RAI14: variants seen among roughly 807,000 people sequenced by gnomAD.
RAI14 encodes the protein retinoic acid induced 14, also known as ankycorbin.
RAI14 carries 45 observed loss-of-function variants against 115.4 expected under a neutral mutation model. The ratio of observed to expected loss-of-function variants is 0.39; its 90% CI spans 0.31 to 0.50. RAI14 has a LOEUF of 0.50. Among genes scored for constraint, RAI14 ranks in the 20% least tolerant of loss-of-function variants. The pLI is 0.85. For missense variants in RAI14, 939 were observed against 1,131.2 expected, an observed-to-expected ratio of 0.83 and a Z score of 2.44; for synonymous variants, 371 against 415.4, an observed-to-expected ratio of 0.89 and a Z score of 1.30.
chr5:34,722,786 C>T (rs1742940042), intron 2 of RAI14, among the ~76,000 whole-genome samples: 2 of 150,134 alleles, frequency 1.3e-5, no homozygotes, highest in African/African-American at 4.9e-5. Context: ...GTGGAGGTTG[C>T]AGTGAGCCAA....
At chr5:34,665,173 ACACACATATATATATG>A (rs1470502012) in intron 1 of RAI14, among the ~76,000 whole-genome samples, 1,136 of 20,654 alleles carry the variant, frequency 0.055, 344 homozygotes, top group South Asian at 0.32. Context: ...ATATATATAT[ACACACATATATATATG>A]TATATATATA....
intron 7 of RAI14, 71 bp downstream of exon 7, chr5:34,808,725 G>A (rs1755216019): frequency 3.5e-6 from 5 of 1,419,448 alleles, no homozygotes; most frequent in Admixed American, 1.7e-5. Context: ...TACCTCTAGA[G>A]TCACTGAGAC....
chr5:34,808,945 T>G (rs577426935), intron 7 of RAI14, among the ~76,000 whole-genome samples: 1 of 152,292 alleles, frequency 6.6e-6, no homozygotes, highest in South Asian at 2.1e-4. Flanking sequence ...GCTGATCTTA[T>G]AGGCAGTACT....
At chr5:34,677,640 T>A (rs942533142) in intron 1 of RAI14, among the ~76,000 whole-genome samples, 1 of 152,110 alleles carries the variant, frequency 6.6e-6, no homozygotes, top group Non-Finnish European at 1.5e-5. Flanking sequence ...GAGATGGGGA[T>A]CTCACTATGT....
At chr5:34,826,003 AT>A (rs544136912) in intron 15 of RAI14, 206 of 165,904 alleles carry the variant, frequency 1.2e-3, no homozygotes, top group South Asian at 3.5e-3. Flanking sequence ...CCTAATTCTG[AT>A]TTTTTTTTTC....
intron 1 of RAI14, among the ~76,000 whole-genome samples, chr5:34,669,102 G>A (rs1249321847): frequency 2.6e-5 from 4 of 152,126 alleles, no homozygotes; most frequent in Non-Finnish European, 4.4e-5. Context: ...TGATCCTCCC[G>A]CCTTGGCCTC....
At chr5:34,693,238 C>A (rs1414150939) in intron 2 of RAI14, among the ~76,000 whole-genome samples, 1 of 152,192 alleles carries the variant, frequency 6.6e-6, no homozygotes, top group Non-Finnish European at 1.5e-5. Flanking sequence ...GGACACAAGT[C>A]AACCCTTAAC....
intron 4 of RAI14, among the ~76,000 whole-genome samples, chr5:34,801,876 G>C (rs181297210): frequency 2.9e-4 from 44 of 152,194 alleles, no homozygotes; most frequent in South Asian, 8.3e-4. Flanking sequence ...TTTGAGACTA[G>C]CCTGGGCAAC....
At chr5:34,716,015 G>A (rs1867714) in intron 2 of RAI14, 89,995 of 433,224 alleles carry the variant, frequency 0.21, 10,939 homozygotes, top group Middle Eastern at 0.3. Context: ...GGTAGTTACA[G>A]TACAGTGCAA....
intron 3 of RAI14, among the ~76,000 whole-genome samples, chr5:34,780,431 A>G (rs1460262257): frequency 3.9e-5 from 6 of 152,222 alleles, no homozygotes. Context: ...CAGAGTGAAC[A>G]GGTAACCTAC....
intron 2 of RAI14, among the ~76,000 whole-genome samples, chr5:34,756,012 A>G (rs987341193): frequency 2.6e-5 from 4 of 152,146 alleles, no homozygotes; most frequent in African/African-American, 7.2e-5. Context: ...CTTCATTCCT[A>G]CTGTGCACCT....
At chr5:34,713,006 A>C (rs1440567675) in intron 2 of RAI14, among the ~76,000 whole-genome samples, 1 of 152,198 alleles carries the variant, frequency 6.6e-6, no homozygotes, top group Non-Finnish European at 1.5e-5. Flanking sequence ...CAGAGCATAC[A>C]TAAAATGAGA....
chr5:34,757,638 G>A (rs1001425572), intron 3 of RAI14, 40 bp downstream of exon 3: 22 of 1,562,838 alleles, frequency 1.4e-5, no homozygotes, highest in Non-Finnish European at 1.9e-5. Flanking sequence ...CTGGTTCTGG[G>A]TTTTTGGGGT....
intron 7 of RAI14, among the ~76,000 whole-genome samples, 179 bp from the exon 8 acceptor site, chr5:34,810,833 A>C (rs2150256552): frequency 6.6e-6 from 1 of 152,092 alleles, no homozygotes; most frequent in Middle Eastern, 3.4e-3. Context: ...CCATAACAAG[A>C]GTTGTGCCAA....
chr5:34,716,411 ATT>A (rs879859980), intron 2 of RAI14, among the ~76,000 whole-genome samples: 1 of 144,222 alleles, frequency 6.9e-6, no homozygotes, highest in African/African-American at 2.5e-5. Context: ...TTTTGGGTTA[ATT>A]TTTTTTTTTT....
At chr5:34,806,779 A>G (rs1460951344) in intron 5 of RAI14, among the ~76,000 whole-genome samples, 1 of 152,174 alleles carries the variant, frequency 6.6e-6, no homozygotes, top group African/African-American at 2.4e-5. Flanking sequence ...TGAGATGCTA[A>G]TAAGACATCA....
At chr5:34,713,759 T>G (rs1741680082) in intron 2 of RAI14, among the ~76,000 whole-genome samples, 1 of 152,100 alleles carries the variant, frequency 6.6e-6, no homozygotes, top group Non-Finnish European at 1.5e-5. Flanking sequence ...TGTAATTTCC[T>G]GAGACAGTCC....
At chr5:34,705,489 A>G (rs991234611) in intron 2 of RAI14, among the ~76,000 whole-genome samples, 3 of 152,104 alleles carry the variant, frequency 2.0e-5, no homozygotes, top group Non-Finnish European at 4.4e-5. Flanking sequence ...TATCTCTTGG[A>G]TAGCACTATG....
At chr5:34,723,923 G>A (rs1743124013) in intron 2 of RAI14, among the ~76,000 whole-genome samples, 1 of 152,018 alleles carries the variant, frequency 6.6e-6, no homozygotes, top group African/African-American at 2.4e-5. Flanking sequence ...GAAATTGCTT[G>A]GTCTATGCTT....
Sources: gnomAD v4.1 joint callset for allele counts (sites outside exome capture counted in the v4.1 genomes callset) on GRCh38, gnomAD v4.1.1 for gene constraint, MANE v1.5 for transcripts, NCBI Gene and HGNC (gene_info 2026-07-23, HGNC 2026-07-21) for gene names.